Variants in NEB observed in about 807,000 individuals in gnomAD.
NEB encodes nebulin.
A neutral mutation model predicts 952.2 loss-of-function variants in NEB; 512 were observed. The ratio of observed to expected loss-of-function variants is 0.54; its 90% CI spans 0.50 to 0.58. NEB has a LOEUF of 0.58. NEB is among the 20% of genes least tolerant of loss of function. The pLI, the probability that NEB is intolerant of heterozygous loss-of-function variation, is 0.00. For missense variants in NEB, 8,428 were observed against 9,231.1 expected, an observed-to-expected ratio of 0.91 and a Z score of 3.56; for synonymous variants, 2,900 against 3,149.8, an observed-to-expected ratio of 0.92 and a Z score of 2.66.
Position 151,664,810 on chromosome 2 carries a change from A to T in NEB, c.5292T>A (p.Pro1764=). 1 of 1,613,178 alleles carries T rather than the reference A, an allele frequency of 6.2e-7. No individual in the cohort carries two copies. The highest frequency in any genetic ancestry group is 1.1e-5 in the South Asian group (1 of 90,882). ...TGGAGAGTAAAATATCCGGTGTGTCAGGCATGACATGAATGGTGGTCTTGT... is the reference window on the plus strand; with the variant it reads ...TGGAGAGTAAAATATCCGGTGTGTCTGGCATGACATGAATGGTGGTCTTGT... ...NKDKTTIHVM[P]DTPDILLSRV... Residue 1764 remains proline (P), a synonymous_variant, in exon 43 of 182, where the codon CCT becomes CCA. Coordinates refer to ENST00000397345, the MANE Select transcript of NEB (RefSeq NM_001164508.2).
chr2:151,629,818 C>T lies in NEB; in HGVS notation c.9724-172G>A, dbSNP rs377545263. On this transcript the variant is annotated intron_variant, in intron 67 of 181. Coordinates refer to ENST00000397345, the MANE Select transcript of NEB (RefSeq NM_001164508.2). Reference sequence around the variant, plus strand: ...ATATTCTACCAAAAATACTATATAGCGTTAGAAATAAATGGGATATATCAA... The same window carrying T: ...ATATTCTACCAAAAATACTATATAGTGTTAGAAATAAATGGGATATATCAA... 1.4e-3 allele frequency among the ~76,000 whole-genome samples: 205 copies of T among 151,710 alleles called. 2 individuals carry two copies. The highest frequency in any genetic ancestry group is 2.5e-3 in the Non-Finnish European group (170 of 67,922).
At chr2:151,702,019 C>G (rs1185926723) in intron 13 of NEB, among the ~76,000 whole-genome samples, 1 of 149,726 alleles carries the variant, frequency 6.7e-6, no homozygotes, top group Non-Finnish European at 1.5e-5. Flanking sequence ...ATAAATTCCC[C>G]TCTACACACT....
At chr2:151,679,095 C>T (rs953480288) in intron 32 of NEB, among the ~76,000 whole-genome samples, 4 of 152,066 alleles carry the variant, frequency 2.6e-5, no homozygotes, top group Admixed American at 2.6e-4. Flanking sequence ...AGCAGAGAAA[C>T]AAAAACCTCG....
rs76594381 is a variant in NEB, at chr2:151,564,810, C to G, written c.18471+234G>C. 8.3e-3 allele frequency among the ~76,000 whole-genome samples: 1,262 copies of G among 152,240 alleles called. 19 individuals are homozygous for G. The highest frequency in any genetic ancestry group is 0.029 in the African/African-American group (1,209 of 41,512). ...AGGCTTGTCTCATTGAGCTTTAGCC[C>G]CTCATTGCCTCCTAAAGAGCCCGGC... On this transcript the variant is annotated intron_variant, in intron 117 of 181. Coordinates refer to ENST00000397345, the MANE Select transcript of NEB (RefSeq NM_001164508.2).
At chr2:151,498,923 A>G (rs1057230217) in intron 169 of NEB, among the ~76,000 whole-genome samples, 8 of 152,186 alleles carry the variant, frequency 5.3e-5, no homozygotes, top group African/African-American at 1.9e-4. Flanking sequence ...ATCTGTACAA[A>G]TAACAGTAGA....
chr2:151,546,288 G>T, intron 134 of NEB, 57 bp downstream of exon 134: 1 of 1,375,606 alleles, frequency 7.3e-7, no homozygotes, highest in Non-Finnish European at 1.0e-6. Context: ...GGAGGCTGGT[G>T]ATGGGGGCAT....
chr2:151,570,654 T>G, intron 107 of NEB, 53 bp from the exon 108 acceptor site: 1 of 1,490,558 alleles, frequency 6.7e-7, no homozygotes, highest in South Asian at 1.2e-5. Context: ...GCCAATACCT[T>G]CAATGGCTCA....
chr2:151,539,647 T>A (rs1446517842), intron 138 of NEB, among the ~76,000 whole-genome samples: 1 of 152,180 alleles, frequency 6.6e-6, no homozygotes, highest in Non-Finnish European at 1.5e-5. Context: ...CCCGTAAGGA[T>A]TGGCTATTTA....
In NEB at chr2:151,644,625, A is replaced by C. The variant is rs756175808; in HGVS notation, c.7537-50T>G. On this transcript the variant is annotated intron_variant, in intron 55 of 181. Coordinates refer to ENST00000397345, the MANE Select transcript of NEB (RefSeq NM_001164508.2). The stretch of plus-strand genomic sequence containing the variant: ...GGGAAATACTGTTCCCCATAGACAA[A>C]TATAGCATAATGATCAAATGTGCTA... 4 of 1,403,668 alleles carry C rather than the reference A, an allele frequency of 2.8e-6. No individual in the cohort carries two copies. In the South Asian group the frequency reaches 4.6e-5, roughly 16 times the overall value. 87.0% of individuals were successfully genotyped at this position (1,403,668 alleles called of 1,614,324 possible). A position where few individuals can be genotyped will look rare whatever the true frequency, so the allele number is the denominator to read the frequency against.
intron 32 of NEB, 96 bp downstream of exon 32, chr2:151,679,625 G>T: frequency 1.3e-6 from 1 of 757,360 alleles, no homozygotes; most frequent in Non-Finnish European, 2.2e-6. Flanking sequence ...TTCCAATTGG[G>T]GACTGCATGC....
intron 142 of NEB, among the ~76,000 whole-genome samples, chr2:151,533,883 G>GT (rs981983941): frequency 6.6e-6 from 1 of 152,170 alleles, no homozygotes; most frequent in African/African-American, 2.4e-5. Flanking sequence ...ATTTTTGTTT[G>GT]TTTTTTGTTG....
rs1260608502 is a variant in NEB, at chr2:151,672,700, T to G, written c.3988-20A>C. 2 of 1,592,310 alleles carry G rather than the reference T, an allele frequency of 1.3e-6. No individual in the cohort carries two copies. The highest frequency in any genetic ancestry group is 2.7e-5 in the African/African-American group (2 of 74,112). On this transcript the variant is annotated intron_variant, in intron 36 of 181. Transcript: ENST00000397345. ...TTTATACTGTGGAGGCAGAATTGGG[T>G]TAGCAAAGTCCTAGGCATTGATAGC...
chr2:151,712,384 T>A (rs188131010), intron 10 of NEB, among the ~76,000 whole-genome samples: 1 of 152,342 alleles, frequency 6.6e-6, no homozygotes, highest in African/African-American at 2.4e-5. Flanking sequence ...AGGAGATTAA[T>A]TCTCACAGTG....
Position 151,492,333 on chromosome 2 carries a change from C to T in NEB, c.24874-52G>A, listed in dbSNP as rs2288194. 1.6e-3 allele frequency: 2,598 copies of T among 1,591,796 alleles called. 37 individuals carry two copies. The East Asian group carries it at 0.032, about 20-fold the overall frequency. ...AAAATATGATGGTGTGACTATATCC[C>T]TTTTTACACATTCTGACAGGCAGCC... On this transcript the variant is annotated intron_variant, in intron 177 of 181. Coordinates refer to ENST00000397345, the MANE Select transcript of NEB (RefSeq NM_001164508.2).
At chr2:151,577,278 C>G (rs1157859390) in intron 105 of NEB, among the ~76,000 whole-genome samples, 1 of 152,140 alleles carries the variant, frequency 6.6e-6, no homozygotes, top group Non-Finnish European at 1.5e-5. Flanking sequence ...TTCTTCCAGC[C>G]TCGTGTCATC....
chr2:151,652,852 A>T (rs777789805), intron 52 of NEB, among the ~76,000 whole-genome samples: 15 of 152,168 alleles, frequency 9.9e-5, no homozygotes, highest in Non-Finnish European at 2.1e-4. Flanking sequence ...GAAATTATTG[A>T]TGTTATTTCT....
At chr2:151,641,579 C>T (rs1413776666) in intron 60 of NEB, among the ~76,000 whole-genome samples, 2 of 152,174 alleles carry the variant, frequency 1.3e-5, no homozygotes, top group East Asian at 3.8e-4. Flanking sequence ...GATCCTCCCG[C>T]CTTGACCTCC....
At chr2:151,574,837 T>A (rs2096775396) in intron 107 of NEB, among the ~76,000 whole-genome samples, 1 of 152,066 alleles carries the variant, frequency 6.6e-6, no homozygotes, top group Non-Finnish European at 1.5e-5. Flanking sequence ...GCTCAAGTGA[T>A]CCTCCCACCT....
chr2:151,508,363 A>AG (rs2071026343), intron 161 of NEB, among the ~76,000 whole-genome samples: 1 of 152,166 alleles, frequency 6.6e-6, no homozygotes, highest in South Asian at 2.1e-4. Flanking sequence ...AAGCTGGCAG[A>AG]GGGGGAACCT....
Sources: gnomAD v4.1 joint callset for allele counts (sites outside exome capture counted in the v4.1 genomes callset) on GRCh38, gnomAD v4.1.1 for gene constraint, MANE v1.5 for transcripts, NCBI Gene and HGNC (gene_info 2026-07-23, HGNC 2026-07-21) for gene names.